Variants in ACLY observed in about 807,000 individuals in gnomAD.
The protein encoded by ACLY is ATP-citrate synthase.
In ACLY, 41 loss-of-function variants were observed where a neutral mutation model predicts 133.0. The ratio of observed to expected loss-of-function variants is 0.31; its 90% CI spans 0.24 to 0.40. The LOEUF (loss-of-function observed/expected upper bound fraction) is 0.40, where lower values mean the gene tolerates loss of function less well. ACLY is among the 10% of genes least tolerant of loss of function. The pLI, the probability that ACLY is intolerant of heterozygous loss-of-function variation, is 1.00. For missense variants in ACLY, 1,046 were observed against 1,453.8 expected (o/e 0.72, Z 4.56); for synonymous variants, 495 against 549.3 (o/e 0.90, Z 1.38).
At position 41,872,025 on chromosome 17, in the gene ACLY, T is replaced by TGATGGTGAGCAGCCATC; in HGVS notation, c.2793+6_2793+7insGATGGCTGCTCACCATC. The TGATGGTGAGCAGCCATC allele has an allele frequency of 6.2e-7, 1 of 1,613,904 alleles. No individual in the cohort carries two copies. Among genetic ancestry groups the TGATGGTGAGCAGCCATC allele is most frequent in the Non-Finnish European group, 8.5e-7 (1 of 1,179,894 alleles). ...CACTGTTCACCTCCCATGATGACAG[T>TGATGGTGAGCAGCCATC]ACTTACGATGGTGAGCAGCCCCGAG... On this transcript the variant is annotated splice_region_variant and intron_variant, in intron 24 of 28. Transcript: ENST00000352035.
At chr17:41,912,253 A>G (rs2049924729) in intron 3 of ACLY, among the ~76,000 whole-genome samples, 167 bp downstream of exon 3, 1 of 152,210 alleles carries the variant, frequency 6.6e-6, no homozygotes, top group Non-Finnish European at 1.5e-5. Flanking sequence ...ATCAAGACTG[A>G]GCCTACTGCT....
chr17:41,886,355 T>TCCTC, intron 17 of ACLY, 47 bp from the exon 18 acceptor site: 1 of 1,540,944 alleles, frequency 6.5e-7, no homozygotes, highest in Admixed American at 1.9e-5. Flanking sequence ...ACTTCCAGAT[T>TCCTC]CACCACAAAG....
At chr17:41,869,807 G>C (rs1231382092) in intron 25 of ACLY, among the ~76,000 whole-genome samples, 3 of 152,212 alleles carry the variant, frequency 2.0e-5, no homozygotes, top group Non-Finnish European at 4.4e-5. Flanking sequence ...AACCTTGGTA[G>C]GTTCTCACTT....
At chr17:41,899,342 G>A (rs2049460952) in intron 11 of ACLY, among the ~76,000 whole-genome samples, 1 of 151,696 alleles carries the variant, frequency 6.6e-6, no homozygotes, top group African/African-American at 2.4e-5. Flanking sequence ...AATTATCAGA[G>A]CCCATATTCC....
At chr17:41,921,605 A>C (rs1020186607), upstream of ACLY, among the ~76,000 whole-genome samples, 1 of 152,132 alleles carries the variant, frequency 6.6e-6, no homozygotes, top group Non-Finnish European at 1.5e-5. Flanking sequence ...GAGGCCAAGG[A>C]GGGCTTGAGC....
intron 2 of ACLY, 92 bp downstream of exon 2, chr17:41,913,623 A>G (rs1555634009): frequency 1.2e-5 from 17 of 1,403,364 alleles, no homozygotes; most frequent in African/African-American, 2.8e-5. Context: ...CTCCAACCCC[A>G]TGACCCTATC....
chr17:41,919,071 C>T (rs979010650), upstream of ACLY: 111 of 1,238,336 alleles, frequency 9.0e-5, no homozygotes, highest in Admixed American at 4.3e-4. Flanking sequence ...AGCCTGAGCG[C>T]CAGGGCTCCT....
intron 16 of ACLY, among the ~76,000 whole-genome samples, chr17:41,889,524 CA>C (rs533387140): frequency 2.9e-3 from 90 of 31,562 alleles, no homozygotes; most frequent in South Asian, 0.015. Context: ...CTCCATTTCA[CA>C]AAAAAAAAAA....
intron 16 of ACLY, among the ~76,000 whole-genome samples, chr17:41,888,727 A>G (rs962317150): frequency 5.3e-5 from 8 of 152,206 alleles, no homozygotes; most frequent in South Asian, 2.1e-4. Flanking sequence ...AGGAGGATCA[A>G]TTGAACCCAG....
intron 10 of ACLY, among the ~76,000 whole-genome samples, chr17:41,904,053 G>A (rs1005108399): frequency 6.6e-6 from 1 of 151,576 alleles, no homozygotes; most frequent in Admixed American, 6.6e-5. Context: ...GGAGGCAGAG[G>A]CTGTAGTGAG....
chr17:41,883,201 C>T lies in ACLY; in HGVS notation c.2186G>A (p.Arg729Gln), dbSNP rs141297025. 142 of 1,613,956 alleles carry T rather than the reference C, an allele frequency of 8.8e-5. No individual in the cohort carries two copies. In the African/African-American group the frequency reaches 9.1e-4, roughly 10 times the overall value. The change falls in exon 20 of 29, where the codon CGG (arginine) becomes CAG (glutamine). Residue 729 changes from arginine (R) to glutamine (Q), a missense_variant. Arg to Gln is a conservative substitution (Grantham distance 43, BLOSUM62 1). Around this residue, in one of 4 missense-constraint regions of ACLY, gnomAD observed 575 missense variants for 804.2 expected, o/e 0.71. Transcript: ENST00000352035. ...AGTGAGGCGGCCCTCCTTGATGCCC[C>T]GGCAAATCTTATATTCCTCAGTGCC... Reference protein sequence around the residue: ...IGGTEEYKICRGIKEGRLTKP... With the variant: ...IGGTEEYKICQGIKEGRLTKP...
At chr17:41,930,215 A>C (rs1359968003) in intron 1 of ACLY, 1 of 152,430 alleles carries the variant, frequency 6.6e-6, no homozygotes, top group African/African-American at 2.4e-5. Flanking sequence ...GGCAGGTGGA[A>C]CATTCGAGGC....
intron 22 of ACLY, among the ~76,000 whole-genome samples, chr17:41,874,557 G>C (rs1215910567): frequency 4.7e-5 from 7 of 150,506 alleles, no homozygotes; most frequent in African/African-American, 1.7e-4. Context: ...ACAGGCGTGA[G>C]ACCCAGTCCA....
intron 16 of ACLY, among the ~76,000 whole-genome samples, chr17:41,888,510 T>A (rs1045084649): frequency 4.3e-4 from 65 of 151,562 alleles, no homozygotes; most frequent in African/African-American, 1.5e-3. Context: ...AGAGGCGGGG[T>A]GGGAGGGGCA....
rs113644053 is a variant in ACLY, at chr17:41,890,969, C to CA, written c.1770+1309dup. ...TGTGTGACAGAGTGAGGCCCTGTCT[C>CA]AAAAAAAAAAAATAAATAAATACAA... On this transcript the variant is annotated intron_variant, in intron 16 of 28. Transcript: ENST00000352035. Among the ~76,000 whole-genome samples, 782 of 138,288 alleles carry CA rather than the reference C, an allele frequency of 5.7e-3. 4 individuals carry two copies. The highest frequency in any genetic ancestry group is 0.016 in the African/African-American group (609 of 38,004). The allele number at this position is 138,288 out of a possible 152,430, so 90.7% of individuals were successfully genotyped here. A position where few individuals can be genotyped will look rare whatever the true frequency, so the allele number is the denominator to read the frequency against.
chr17:41,897,186 T>C (rs1380532875), intron 13 of ACLY, among the ~76,000 whole-genome samples: 1 of 151,726 alleles, frequency 6.6e-6, no homozygotes, highest in Non-Finnish European at 1.5e-5. Context: ...TAACACCACT[T>C]ATGTAGAGCT....
rs781876706 is a variant in ACLY, at chr17:41,912,590, C to T, written c.160-48G>A. The stretch of plus-strand genomic sequence containing the variant: ...TTAGAGTGAGGAAGAATTAGATAAA[C>T]CGTAGTATTTTGGGGATCCAAATAG... On this transcript the variant is annotated intron_variant, in intron 2 of 28. Coordinates refer to ENST00000352035, the MANE Select transcript of ACLY (RefSeq NM_001096.3). 59 of 1,611,384 alleles carry T rather than the reference C, an allele frequency of 3.7e-5. No homozygotes were observed. In the South Asian group the frequency reaches 3.7e-4, roughly 10 times the overall value.
At position 41,873,447 on chromosome 17, in the gene ACLY, C is replaced by T. The variant is rs140771139; in HGVS notation, c.2642+364G>A. Among the ~76,000 whole-genome samples, 1,453 of 152,300 alleles carry T rather than the reference C, an allele frequency of 9.5e-3. 29 individuals are homozygous for T. The highest frequency in any genetic ancestry group is 0.033 in the African/African-American group (1,390 of 41,564). ...CCACTCACCTCGGCCTCCCAAAGTG[C>T]TGGGATGACAGGCGTGAGCCACCGC... is the stretch of plus-strand genomic sequence containing the variant. On this transcript the variant is annotated intron_variant, in intron 23 of 28. Transcript: ENST00000352035.
intron 25 of ACLY, among the ~76,000 whole-genome samples, chr17:41,870,013 A>C (rs2048559037): frequency 6.6e-6 from 1 of 152,220 alleles, no homozygotes; most frequent in Non-Finnish European, 1.5e-5. Flanking sequence ...ACACGTGTTT[A>C]GTGTGGGGAG....
Sources: allele counts gnomAD v4.1 joint callset (sites outside exome capture counted in the v4.1 genomes callset), GRCh38; gene constraint gnomAD v4.1.1; regional missense constraint gnomAD v4.1.1; transcripts MANE v1.5; gene names NCBI Gene and HGNC (gene_info 2026-07-23, HGNC 2026-07-21).